GRM8: variants seen among roughly 807,000 people sequenced by gnomAD.
GRM8 encodes glutamate metabotropic receptor 8.
Under a neutral mutation model 87.2 loss-of-function variants are expected in GRM8, and 47 were observed. That is an observed-to-expected ratio of 0.54 (90% confidence interval 0.43 to 0.69). GRM8 has a LOEUF of 0.69. Among genes scored for constraint, GRM8 ranks in the 30% least tolerant of loss-of-function variants. The probability of loss-of-function intolerance (pLI) is 0.00; values close to 1 mark genes in which losing one functional copy is unlikely to be tolerated. For synonymous variants in GRM8, 396 were observed against 404.5 expected, an observed-to-expected ratio of 0.98 and a Z score of 0.25; for missense variants, 1,019 against 1,139.2, an observed-to-expected ratio of 0.89 and a Z score of 1.52.
At chr7:127,067,602 T>C (rs1360308783) in intron 3 of GRM8, among the ~76,000 whole-genome samples, 3 of 152,236 alleles carry the variant, frequency 2.0e-5, no homozygotes, top group Admixed American at 6.5e-5. Flanking sequence ...ATAAAAGCAA[T>C]GCTTTATTTC....
rs35916735 is a variant in GRM8, at chr7:126,753,387, CATAT to C, written c.1357+16474_1357+16477del. Among the ~76,000 whole-genome samples, 17 of 150,044 alleles carry C rather than the reference CATAT, an allele frequency of 1.1e-4. No individual in the cohort carries two copies. In the East Asian group the frequency reaches 1.7e-3, roughly 15 times the overall value. On this transcript the variant is annotated intron_variant, in intron 7 of 10. Coordinates refer to ENST00000339582, the MANE Select transcript of GRM8 (RefSeq NM_000845.3). The stretch of plus-strand genomic sequence containing the variant: ...CAGAATATACGCACGCACACACAGG[CATAT>C]ATATATATAGATAGATAGACACACG...
At chr7:126,576,983 T>C (rs1795172969) in intron 8 of GRM8, among the ~76,000 whole-genome samples, 1 of 152,204 alleles carries the variant, frequency 6.6e-6, no homozygotes, top group Admixed American at 6.5e-5. Flanking sequence ...AGCCAAACCA[T>C]GTAATCATTC....
Position 126,718,739 on chromosome 7 carries a change from G to A in GRM8, c.1357+51126C>T, listed in dbSNP as rs138936635. Among the ~76,000 whole-genome samples, 54 of 152,252 alleles carry A rather than the reference G, an allele frequency of 3.5e-4. No homozygotes were observed. The East Asian group carries it at 8.9e-3, about 25-fold the overall frequency. On this transcript the variant is annotated intron_variant, in intron 7 of 10. Coordinates refer to ENST00000339582, the MANE Select transcript of GRM8 (RefSeq NM_000845.3). ...ATGTCCAGAACGGCCTGAGTGCCAC[G>A]AGGTTCCAGTTACTGCACTATTATA...
At chr7:127,056,291 AAAGT>A in intron 3 of GRM8, among the ~76,000 whole-genome samples, 1 of 152,318 alleles carries the variant, frequency 6.6e-6, no homozygotes, top group African/African-American at 2.4e-5. Context: ...GAAAGAGATA[AAAGT>A]AAGTAAGTAG....
intron 2 of GRM8, among the ~76,000 whole-genome samples, chr7:127,126,112 A>G (rs1192396723): frequency 1.3e-5 from 2 of 152,072 alleles, no homozygotes; most frequent in Non-Finnish European, 2.9e-5. Context: ...TGATCCAACA[A>G]TCCCACTACC....
intron 2 of GRM8, among the ~76,000 whole-genome samples, chr7:127,149,741 C>A (rs1828745713): frequency 6.6e-6 from 1 of 151,852 alleles, no homozygotes; most frequent in African/African-American, 2.4e-5. Flanking sequence ...TTAAAAAGAA[C>A]AAGATTCTAC....
At chr7:127,106,221 C>A (rs1397771373) in intron 3 of GRM8, among the ~76,000 whole-genome samples, 3 of 152,098 alleles carry the variant, frequency 2.0e-5, no homozygotes, top group Non-Finnish European at 2.9e-5. Flanking sequence ...CTCTAATGTG[C>A]CAGCAAACTC....
intron 7 of GRM8, among the ~76,000 whole-genome samples, chr7:126,687,380 G>A (rs6942895): frequency 0.032 from 4,916 of 152,174 alleles, 239 homozygotes; most frequent in African/African-American, 0.11. Context: ...GGCCACTTTT[G>A]AGTTTGCTTG....
chr7:126,775,744 A>G (rs937052672), intron 6 of GRM8, among the ~76,000 whole-genome samples: 2 of 152,012 alleles, frequency 1.3e-5, no homozygotes, highest in African/African-American at 4.8e-5. Flanking sequence ...GTAGATCTGG[A>G]TCCAGGTCCC....
intron 2 of GRM8, among the ~76,000 whole-genome samples, chr7:127,212,389 A>T (rs1484653249): frequency 6.7e-6 from 1 of 150,278 alleles, no homozygotes; most frequent in East Asian, 2.0e-4. Flanking sequence ...GTGCTATATG[A>T]GCACACTAGG....
chr7:126,554,633 AC>A (rs1162861162), intron 8 of GRM8, among the ~76,000 whole-genome samples: 1 of 152,096 alleles, frequency 6.6e-6, no homozygotes, highest in African/African-American at 2.4e-5. Context: ...GAAGAAAAGA[AC>A]AAAAGGCAAA....
At chr7:126,676,989 A>C (rs1220843829) in intron 7 of GRM8, among the ~76,000 whole-genome samples, 1 of 152,230 alleles carries the variant, frequency 6.6e-6, no homozygotes, top group African/African-American at 2.4e-5. Context: ...AATATCCAGA[A>C]TCTACAAGGA....
intron 7 of GRM8, among the ~76,000 whole-genome samples, chr7:126,727,710 C>A (rs1248361787): frequency 6.8e-6 from 1 of 146,090 alleles, no homozygotes; most frequent in Non-Finnish European, 1.5e-5. Context: ...ATCATACACA[C>A]ACACACACAC....
chr7:126,754,070 A>G (rs1358431413), intron 7 of GRM8, among the ~76,000 whole-genome samples: 1 of 151,826 alleles, frequency 6.6e-6, no homozygotes, highest in African/African-American at 2.4e-5. Flanking sequence ...CCTAATTCAA[A>G]CCAAACATTA....
intron 8 of GRM8, among the ~76,000 whole-genome samples, chr7:126,585,993 CA>C (rs1170703535): frequency 6.6e-6 from 1 of 152,102 alleles, no homozygotes; most frequent in Non-Finnish European, 1.5e-5. Context: ...TCTCAGGATA[CA>C]AAATCAATGT....
intron 3 of GRM8, among the ~76,000 whole-genome samples, chr7:127,088,603 A>G (rs1823735906): frequency 1.3e-5 from 2 of 152,208 alleles, no homozygotes; most frequent in South Asian, 2.1e-4. Context: ...GAATAAGACC[A>G]GGTTGCTAAT....
In GRM8 at chr7:127,080,241, G is replaced by A. The variant is rs971233999; in HGVS notation, c.727+26255C>T. On this transcript the variant is annotated intron_variant, in intron 3 of 10. Coordinates refer to ENST00000339582, the MANE Select transcript of GRM8 (RefSeq NM_000845.3). ...ATTGCTGGCTTTGAAGATAGAAGGG[G>A]ACCATAGCCAAGGAATGCTGGCAGC... 2.0e-5 allele frequency among the ~76,000 whole-genome samples: 3 copies of A among 152,132 alleles called. 1 individual carries two copies. The highest frequency in any genetic ancestry group is 1.3e-4 in the Admixed American group (2 of 15,274).
intron 9 of GRM8, among the ~76,000 whole-genome samples, chr7:126,525,278 T>C (rs1813660025): frequency 6.6e-6 from 1 of 152,214 alleles, no homozygotes; most frequent in African/African-American, 2.4e-5. Context: ...GAAACTTATA[T>C]TCTTATCCTA....
chr7:126,671,548 A>G (rs1806386634), intron 7 of GRM8, among the ~76,000 whole-genome samples: 1 of 152,198 alleles, frequency 6.6e-6, no homozygotes, highest in Non-Finnish European at 1.5e-5. Context: ...GTCATTTTCA[A>G]GTTTTCACCT....
Sources: gnomAD v4.1 joint callset for allele counts (sites outside exome capture counted in the v4.1 genomes callset) on GRCh38, gnomAD v4.1.1 for gene constraint, MANE v1.5 for transcripts, NCBI Gene and HGNC (gene_info 2026-07-23, HGNC 2026-07-21) for gene names.